PDE4B: variants seen among roughly 807,000 people sequenced by gnomAD.
PDE4B encodes the protein phosphodiesterase 4B.
A neutral mutation model predicts 82.2 loss-of-function variants in PDE4B; 20 were observed. That is an observed-to-expected ratio of 0.24 (90% confidence interval 0.17 to 0.35). The LOEUF is 0.35. Among genes scored for constraint, PDE4B ranks in the 10% least tolerant of loss-of-function variants. PDE4B has a pLI of 1.00. For missense variants in PDE4B, 655 were observed against 907.2 expected, an observed-to-expected ratio of 0.72 and a Z score of 3.57; for synonymous variants, 320 against 318.9, an observed-to-expected ratio of 1.00 and a Z score of -0.04.
At chr1:65,820,243 G>A (rs1645937578) in intron 1 of PDE4B, among the ~76,000 whole-genome samples, 1 of 152,112 alleles carries the variant, frequency 6.6e-6, no homozygotes, top group African/African-American at 2.4e-5. Context: ...CTTAGAAATA[G>A]AGAAGGAAAG....
intron 8 of PDE4B, among the ~76,000 whole-genome samples, chr1:66,340,906 G>C (rs911528618): frequency 4.6e-5 from 7 of 152,130 alleles, no homozygotes; most frequent in African/African-American, 1.4e-4. Flanking sequence ...AAGCCAATCA[G>C]ACAGGGCACA....
At chr1:66,334,546 A>C (rs544229674) in intron 8 of PDE4B, among the ~76,000 whole-genome samples, 2 of 152,304 alleles carry the variant, frequency 1.3e-5, no homozygotes, top group African/African-American at 4.8e-5. Flanking sequence ...AGTTGAATAG[A>C]GCTAACCCTA....
At chr1:66,023,392 C>G (rs1361093235) in intron 3 of PDE4B, among the ~76,000 whole-genome samples, 2 of 152,182 alleles carry the variant, frequency 1.3e-5, no homozygotes, top group Non-Finnish European at 2.9e-5. Context: ...CACTTTGTCT[C>G]CAGGGGAAAG....
At chr1:66,161,391 C>G (rs756428275) in intron 3 of PDE4B, among the ~76,000 whole-genome samples, 65 of 152,136 alleles carry the variant, frequency 4.3e-4, no homozygotes, top group Admixed American at 1.3e-4. Context: ...GATACTCACT[C>G]AGTCTGAAGT....
At chr1:66,104,361 C>T (rs909361422) in intron 3 of PDE4B, among the ~76,000 whole-genome samples, 2 of 147,972 alleles carry the variant, frequency 1.4e-5, no homozygotes, top group Non-Finnish European at 3.0e-5. Context: ...GGGTTGGTTC[C>T]AAGTCTTTGC....
At chr1:65,995,050 T>G (rs143455843) in intron 3 of PDE4B, among the ~76,000 whole-genome samples, 1,534 of 152,302 alleles carry the variant, frequency 0.01, 21 homozygotes, top group African/African-American at 0.035. Context: ...TTTAGTTGAG[T>G]TAAAACAAAA....
intron 1 of PDE4B, among the ~76,000 whole-genome samples, chr1:65,827,845 T>C (rs867151494): frequency 4.6e-5 from 7 of 152,178 alleles, no homozygotes; most frequent in Non-Finnish European, 1.0e-4. Context: ...CACTTCAACA[T>C]ATAATGTTTT....
In PDE4B at chr1:66,257,561, A is replaced by G. The variant is rs567530054; in HGVS notation, c.477-86A>G. 11 of 1,216,048 alleles carry G rather than the reference A, an allele frequency of 9.0e-6. No individual in the cohort carries two copies. In the South Asian group the frequency reaches 1.2e-4, roughly 13 times the overall value. 75.3% of individuals were successfully genotyped at this position (1,216,048 alleles called of 1,614,324 possible). On this transcript the variant is annotated intron_variant, in intron 4 of 16. Transcript: ENST00000341517. ...CTTGTATAACATTTGTGTTGTTAAC[A>G]CTGATAAAATTTAATATTATAGCTT...
At chr1:66,024,248 C>T (rs1300699612) in intron 3 of PDE4B, among the ~76,000 whole-genome samples, 1 of 152,048 alleles carries the variant, frequency 6.6e-6, no homozygotes, top group East Asian at 1.9e-4. Flanking sequence ...TTCAGTAGGT[C>T]TCTTACCAAG....
At position 65,961,297 on chromosome 1, in the gene PDE4B, G is replaced by C. The variant is rs1427747503; in HGVS notation, c.281+42462G>C. ...CCATACATCTGTCTAGAAAAACTGA[G>C]TTATTGGCAGAGAGAACAAAAAGTC... On this transcript the variant is annotated intron_variant, in intron 3 of 16. Transcript: ENST00000341517. Among the ~76,000 whole-genome samples, 3 of 152,156 alleles carry C rather than the reference G, an allele frequency of 2.0e-5. No homozygotes were observed. The East Asian group carries it at 5.8e-4, about 29-fold the overall frequency.
At chr1:66,276,400 G>T (rs1351510021) in intron 7 of PDE4B, among the ~76,000 whole-genome samples, 2 of 152,214 alleles carry the variant, frequency 1.3e-5, no homozygotes, top group African/African-American at 4.8e-5. Context: ...TTCCTCTGCA[G>T]TCTAAACCAC....
chr1:65,877,534 G>A (rs750126580), intron 1 of PDE4B, among the ~76,000 whole-genome samples: 1 of 151,986 alleles, frequency 6.6e-6, no homozygotes, highest in Non-Finnish European at 1.5e-5. Flanking sequence ...AGAATGGCAT[G>A]ACCCTGGGAG....
At chr1:66,033,714 G>GAAA (rs5774787) in intron 3 of PDE4B, among the ~76,000 whole-genome samples, 2 of 137,438 alleles carry the variant, frequency 1.5e-5, no homozygotes, top group Non-Finnish European at 3.1e-5. Flanking sequence ...GCACCAAATT[G>GAAA]AAAAAAAAAA....
At chr1:66,127,045 A>G (rs1310061880) in intron 3 of PDE4B, among the ~76,000 whole-genome samples, 1 of 152,206 alleles carries the variant, frequency 6.6e-6, no homozygotes, top group Admixed American at 6.5e-5. Context: ...CAATTAAAAA[A>G]CTAAATGGAA....
At chr1:66,248,847 G>A (rs992844169) in intron 4 of PDE4B, among the ~76,000 whole-genome samples, 1 of 152,194 alleles carries the variant, frequency 6.6e-6, no homozygotes, top group Non-Finnish European at 1.5e-5. Flanking sequence ...TTCCCATGGA[G>A]CCGAGCTCAT....
intron 2 of PDE4B, among the ~76,000 whole-genome samples, chr1:65,915,692 C>T (rs970133183): frequency 1.3e-5 from 2 of 152,106 alleles, no homozygotes; most frequent in African/African-American, 2.4e-5. Flanking sequence ...CCTTTGGTGT[C>T]CCCTCCCCCT....
chr1:66,168,582 T>G (rs1345023659), intron 3 of PDE4B, among the ~76,000 whole-genome samples: 1 of 152,034 alleles, frequency 6.6e-6, no homozygotes, highest in Admixed American at 6.6e-5. Flanking sequence ...GTGTGGGGAA[T>G]GGGGAGAATG....
intron 3 of PDE4B, among the ~76,000 whole-genome samples, chr1:66,118,351 G>A (rs1645639114): frequency 6.6e-6 from 1 of 152,104 alleles, no homozygotes; most frequent in Non-Finnish European, 1.5e-5. Flanking sequence ...ACTGAATTAA[G>A]AAAATGTGGC....
At chr1:65,866,856 T>G (rs1308206866) in intron 1 of PDE4B, among the ~76,000 whole-genome samples, 2 of 152,238 alleles carry the variant, frequency 1.3e-5, no homozygotes, top group Non-Finnish European at 2.9e-5. Context: ...CTGCAATGTA[T>G]GACTCATATT....
Sources: allele counts gnomAD v4.1 joint callset (sites outside exome capture counted in the v4.1 genomes callset), GRCh38; gene constraint gnomAD v4.1.1; transcripts MANE v1.5; gene names NCBI Gene and HGNC (gene_info 2026-07-23, HGNC 2026-07-21).